The following TMEM108 variants were observed in gnomAD, a reference collection of about 807,000 sequenced individuals.
TMEM108 encodes cancer/testis antigen 124.
Under a neutral mutation model 35.1 loss-of-function variants are expected in TMEM108, and 12 were observed. The observed-to-expected ratio is 0.34, with a 90% CI of 0.22 to 0.55. The LOEUF (loss-of-function observed/expected upper bound fraction) is 0.55. TMEM108 is among the 20% of genes least tolerant of loss of function. The pLI is 0.89. For synonymous variants in TMEM108, 287 were observed against 308.6 expected (o/e 0.93, Z 0.73); for missense variants, 680 against 753.3 (o/e 0.90, Z 1.14).
chr3:133,252,265 G>C (rs1245074049), intron 3 of TMEM108, among the ~76,000 whole-genome samples: 5 of 152,170 alleles, frequency 3.3e-5, no homozygotes, highest in Non-Finnish European at 7.4e-5. Context: ...GGGTATGTGA[G>C]ATGAATGAAA....
intron 2 of TMEM108, among the ~76,000 whole-genome samples, chr3:133,126,386 G>A (rs1944417233): frequency 6.6e-6 from 1 of 151,738 alleles, no homozygotes; most frequent in Non-Finnish European, 1.5e-5. Flanking sequence ...AGAATCATTT[G>A]AACTTGGGAG....
At chr3:133,122,429 C>T (rs1259980362) in intron 2 of TMEM108, among the ~76,000 whole-genome samples, 3 of 152,056 alleles carry the variant, frequency 2.0e-5, no homozygotes, top group African/African-American at 7.2e-5. Flanking sequence ...TTTAAAGACC[C>T]CTGTGTTAGT....
rs938775331 is a variant in TMEM108 at position 133,288,252 on chromosome 3, A to G, written c.40+58901A>G. ...TTCCTAATACTTCTGAATTTGTGCT[A>G]TAACAGATAAGCAGCATTCTGATGC... On this transcript the variant is annotated intron_variant, in intron 3 of 5. Coordinates refer to ENST00000321871, the MANE Select transcript of TMEM108 (RefSeq NM_023943.4). Among the ~76,000 whole-genome samples, 5 of 152,208 alleles carry G rather than the reference A, an allele frequency of 3.3e-5. No homozygotes were observed. The East Asian group carries it at 7.7e-4, about 23-fold the overall frequency.
intron 3 of TMEM108, among the ~76,000 whole-genome samples, chr3:133,351,100 A>G (rs2071982800): frequency 6.6e-6 from 1 of 152,194 alleles, no homozygotes; most frequent in Admixed American, 6.5e-5. Context: ...AGAAAACAGT[A>G]CAAAAAGGCA....
chr3:133,127,367 G>T (rs1281635833), intron 2 of TMEM108, among the ~76,000 whole-genome samples: 1 of 152,202 alleles, frequency 6.6e-6, no homozygotes, highest in East Asian at 1.9e-4. Flanking sequence ...AGAAAGGACT[G>T]CTTTCTCTAG....
intron 2 of TMEM108, among the ~76,000 whole-genome samples, chr3:133,098,954 C>T (rs1448457139): frequency 6.6e-6 from 1 of 152,180 alleles, no homozygotes; most frequent in Non-Finnish European, 1.5e-5. Flanking sequence ...TGGCCCTCTT[C>T]TCACAGCTCC....
At chr3:133,155,256 ATTG>A (rs781633091) in intron 2 of TMEM108, among the ~76,000 whole-genome samples, 35 of 152,142 alleles carry the variant, frequency 2.3e-4, no homozygotes, top group South Asian at 6.2e-4. Flanking sequence ...TATCCAGCCT[ATTG>A]TTGTTGGCTA....
chr3:133,100,498 G>C (rs1944073551), intron 2 of TMEM108, among the ~76,000 whole-genome samples: 1 of 152,158 alleles, frequency 6.6e-6, no homozygotes, highest in Non-Finnish European at 1.5e-5. Flanking sequence ...ACAGCTACTT[G>C]GGAGGCTGAG....
intron 2 of TMEM108, among the ~76,000 whole-genome samples, chr3:133,199,851 C>T (rs959933325): frequency 6.6e-6 from 1 of 152,146 alleles, no homozygotes; most frequent in Non-Finnish European, 1.5e-5. Flanking sequence ...TTCAGCTATG[C>T]CTTGCCCCCA....
intron 3 of TMEM108, among the ~76,000 whole-genome samples, chr3:133,347,459 T>C (rs2071856251): frequency 6.6e-6 from 1 of 152,118 alleles, no homozygotes. Flanking sequence ...TGTTCATTGA[T>C]GGTATATAGA....
At chr3:133,055,887 A>G (rs1172074323) in intron 2 of TMEM108, among the ~76,000 whole-genome samples, 1 of 152,192 alleles carries the variant, frequency 6.6e-6, no homozygotes, top group African/African-American at 2.4e-5. Context: ...TCTGAAATTA[A>G]TTATTGTCAT....
At chr3:133,068,317 G>T (rs1314118449) in intron 2 of TMEM108, among the ~76,000 whole-genome samples, 1 of 152,126 alleles carries the variant, frequency 6.6e-6, no homozygotes, top group Non-Finnish European at 1.5e-5. Context: ...TGACTACTAT[G>T]TGTGGGGCAG....
intron 2 of TMEM108, among the ~76,000 whole-genome samples, chr3:133,175,552 A>G (rs1173345700): frequency 2.0e-5 from 3 of 152,298 alleles, no homozygotes; most frequent in South Asian, 4.2e-4. Flanking sequence ...TCAACCCAGA[A>G]TTTCATATCC....
At chr3:133,177,277 T>A (rs567933530) in intron 2 of TMEM108, among the ~76,000 whole-genome samples, 180 of 152,178 alleles carry the variant, frequency 1.2e-3, no homozygotes, top group African/African-American at 4.1e-3. Context: ...ACTATTCCAA[T>A]CAATAGAAAA....
intron 2 of TMEM108, among the ~76,000 whole-genome samples, chr3:133,181,645 G>C (rs1040479645): frequency 6.6e-6 from 1 of 152,128 alleles, no homozygotes; most frequent in African/African-American, 2.4e-5. Context: ...CATATGGGGG[G>C]TTGTCAAGGA....
intron 2 of TMEM108, among the ~76,000 whole-genome samples, chr3:133,173,344 T>C (rs1046639703): frequency 6.6e-6 from 1 of 152,220 alleles, no homozygotes; most frequent in Non-Finnish European, 1.5e-5. Context: ...TTGTAAAAGC[T>C]ATCTGATTTA....
intron 2 of TMEM108, among the ~76,000 whole-genome samples, chr3:133,050,508 C>T (rs1222167794): frequency 1.3e-5 from 2 of 152,058 alleles, no homozygotes; most frequent in Non-Finnish European, 2.9e-5. Context: ...TACATTGACA[C>T]ATCATAATCA....
At chr3:133,128,399 G>A (rs1055775072) in intron 2 of TMEM108, among the ~76,000 whole-genome samples, 8 of 152,112 alleles carry the variant, frequency 5.3e-5, no homozygotes, top group Admixed American at 6.6e-5. Flanking sequence ...TTGACCTGTC[G>A]AATCATTTTA....
chr3:133,296,558 T>C (rs1236661812), intron 3 of TMEM108, among the ~76,000 whole-genome samples: 1 of 151,242 alleles, frequency 6.6e-6, no homozygotes, highest in Non-Finnish European at 1.5e-5. Context: ...CACACACTAA[T>C]AAAAAGCAGT....
Sources: gnomAD v4.1 joint callset for allele counts (sites outside exome capture counted in the v4.1 genomes callset) on GRCh38, gnomAD v4.1.1 for gene constraint, MANE v1.5 for transcripts, NCBI Gene and HGNC (gene_info 2026-07-23, HGNC 2026-07-21) for gene names.